The following DMD variants were observed in gnomAD, a reference collection of about 807,000 sequenced individuals.
DMD encodes mutant dystrophin.
A neutral mutation model predicts 330.1 loss-of-function variants in DMD; 63 were observed. That is an observed-to-expected ratio of 0.19 (90% CI 0.16 to 0.24). The LOEUF (loss-of-function observed/expected upper bound fraction) is 0.24, where lower values mean the gene tolerates loss of function less well. Among genes scored for constraint, DMD ranks in the 10% least tolerant of loss-of-function variants. The probability of loss-of-function intolerance (pLI) is 1.00; values close to 1 mark genes in which losing one functional copy is unlikely to be tolerated. For synonymous variants in DMD, 1,223 were observed against 959.8 expected (o/e 1.27, Z -5.07); for missense variants, 3,344 against 2,684.1 (o/e 1.25, Z -5.43).
intron 50 of DMD, among the ~76,000 whole-genome samples, chrX:31,813,675 C>G (rs756635421): frequency 4.5e-5 from 5 of 111,982 alleles, no homozygotes; most frequent in African/African-American, 1.6e-4. Context: ...ACACCTTTAT[C>G]CCCCAGCTTT....
chrX:33,286,741 C>T lies in DMD; in HGVS notation c.7+52518G>A, dbSNP rs1198222875. Among the ~76,000 whole-genome samples, 4 of 112,088 alleles carry T rather than the reference C, an allele frequency of 3.6e-5. No individual in the cohort carries two copies. The East Asian group carries it at 1.1e-3, about 32-fold the overall frequency. Reference sequence around the variant, plus strand: ...CATAAGAATCCATGTTGATCCACTCCATACCCAGGTAGTATCGCTGACAGG... The same window carrying T: ...CATAAGAATCCATGTTGATCCACTCTATACCCAGGTAGTATCGCTGACAGG... On this transcript the variant is annotated intron_variant, in intron 1 of 17. Transcript: ENST00000288447.
At chrX:32,994,057 G>T (rs577157627) in intron 2 of DMD, among the ~76,000 whole-genome samples, 3 of 109,507 alleles carry the variant, frequency 2.7e-5, no homozygotes, top group African/African-American at 1.0e-4. Context: ...AAGTTGGGGT[G>T]GGGGGGAATG....
intron 44 of DMD, among the ~76,000 whole-genome samples, chrX:32,024,385 T>G (rs1038351023): frequency 2.4e-4 from 25 of 105,828 alleles, no homozygotes; most frequent in Non-Finnish European, 9.6e-5. Context: ...CTTCGGAGGC[T>G]GAGGCAGGGG....
At chrX:32,742,164 T>A (rs764897984) in intron 7 of DMD, among the ~76,000 whole-genome samples, 3 of 111,858 alleles carry the variant, frequency 2.7e-5, no homozygotes, top group Non-Finnish European at 5.6e-5. Context: ...TGGTAACAGA[T>A]AACACACCAT....
chrX:33,068,392 T>C (rs1002359188), intron 1 of DMD, among the ~76,000 whole-genome samples: 3 of 112,214 alleles, frequency 2.7e-5, no homozygotes, highest in Non-Finnish European at 5.6e-5. Context: ...CACCTGTGCA[T>C]TGGCAGTGAC....
At chrX:31,161,994 C>A (rs1306954532) in intron 74 of DMD, among the ~76,000 whole-genome samples, 1 of 107,717 alleles carries the variant, frequency 9.3e-6, no homozygotes, top group Non-Finnish European at 1.9e-5. Context: ...AACTCCCATT[C>A]AGTCTTCAAC....
At chrX:31,676,050 T>A (rs781414950) in intron 53 of DMD, among the ~76,000 whole-genome samples, 1 of 111,997 alleles carries the variant, frequency 8.9e-6, no homozygotes, top group Admixed American at 9.5e-5. Flanking sequence ...TGTTGCTCAG[T>A]AGTGAGAGTT....
At chrX:32,988,096 G>C (rs1263303348) in intron 2 of DMD, among the ~76,000 whole-genome samples, 1 of 110,669 alleles carries the variant, frequency 9.0e-6, no homozygotes, top group East Asian at 2.8e-4. Flanking sequence ...GGGTGTACTT[G>C]TGTGTGTGCA....
chrX:32,362,881 G>A lies in DMD; in HGVS notation c.5232C>T (p.Asn1744=), dbSNP rs2147233789. 2 of 1,211,095 alleles carry A rather than the reference G, an allele frequency of 1.7e-6. No individual in the cohort carries two copies. The highest frequency in any genetic ancestry group is 2.2e-6 in the Non-Finnish European group (2 of 895,185). Residue 1744 remains asparagine (N), a synonymous_variant, in exon 37 of 79, where the codon AAC becomes AAT. Transcript: ENST00000357033. The stretch of plus-strand genomic sequence containing the variant: ...CTAATTTCCTGCAGTGGTCACCGCG[G>A]TTTGCCATCAAGTTTGCTGCTTGGT... ...TRDQAANLMA[N]RGDHCRKLVE...
intron 1 of DMD, among the ~76,000 whole-genome samples, chrX:33,114,110 TTA>T (rs1403345268): frequency 9.5e-6 from 1 of 105,356 alleles, no homozygotes; most frequent in African/African-American, 3.6e-5. Flanking sequence ...AATATTATTA[TTA>T]TTTTTTTTTT....
chrX:31,268,909 T>C (rs2051400372), intron 62 of DMD, among the ~76,000 whole-genome samples: 1 of 112,218 alleles, frequency 8.9e-6, no homozygotes, highest in African/African-American at 3.2e-5. Flanking sequence ...TCTGACACGC[T>C]TCTCTATAAA....
In DMD at chrX:31,829,422, A is replaced by G. The variant is rs1456789107; in HGVS notation, c.7200+7296T>C. Among the ~76,000 whole-genome samples, 4 of 106,972 alleles carry G rather than the reference A, an allele frequency of 3.7e-5. No individual in the cohort carries two copies. In the Admixed American group the frequency reaches 4.2e-4, roughly 11 times the overall value. 92.9% of individuals were successfully genotyped at this position (106,972 alleles called of 115,157 possible). On this transcript the variant is annotated intron_variant, in intron 49 of 78. Coordinates refer to ENST00000357033, the MANE Select transcript of DMD (RefSeq NM_004006.3). ...TATAACTTGTACCGCACAAATAAATATGTACAATTATACACATATAAAATT... is the reference window on the plus strand; with the variant it reads ...TATAACTTGTACCGCACAAATAAATGTGTACAATTATACACATATAAAATT...
rs548846514 is a variant in DMD, at chrX:31,648,617, C to CAAAAAAAAAA, written c.8027+9363_8027+9372dup. Among the ~76,000 whole-genome samples the CAAAAAAAAAA allele has an allele frequency of 3.2e-4, 6 of 18,993 alleles. 1 individual carries two copies. The highest frequency in any genetic ancestry group is 4.7e-4 in the African/African-American group (2 of 4,248). 16.5% of individuals were successfully genotyped at this position (18,993 alleles called of 115,157 possible). ...TTCCCTACGGGGTGAAAGGGAGCTG[C>CAAAAAAAAAA]AAAAAAAAAAAAAAAAAAAAAAAAA... On this transcript the variant is annotated intron_variant, in intron 54 of 78. Coordinates refer to ENST00000357033, the MANE Select transcript of DMD (RefSeq NM_004006.3).
rs749797416 is a variant in DMD at position 32,606,715 on chromosome X, A to T, written c.1482+7588T>A. 2.8e-4 allele frequency among the ~76,000 whole-genome samples: 18 copies of T among 63,595 alleles called. No homozygotes were observed. In the South Asian group the frequency reaches 0.015, roughly 53 times the overall value. 55.2% of individuals were successfully genotyped at this position (63,595 alleles called of 115,157 possible). On this transcript the variant is annotated intron_variant, in intron 12 of 78. Transcript: ENST00000357033. ...GATATGCACATGTATATATGTGTGT[A>T]TATACGCATATATATATATATATAT...
intron 9 of DMD, among the ~76,000 whole-genome samples, chrX:32,676,702 T>A (rs2061994739): frequency 9.0e-6 from 1 of 111,462 alleles, no homozygotes; most frequent in South Asian, 3.7e-4. Flanking sequence ...CAGTTAACAT[T>A]CTCCATCCTT....
intron 62 of DMD, among the ~76,000 whole-genome samples, chrX:31,267,117 A>AAGAG (rs1256017936): frequency 9.1e-6 from 1 of 110,043 alleles, no homozygotes; most frequent in Non-Finnish European, 1.9e-5. Flanking sequence ...GAAAGAAAGA[A>AAGAG]AGAAAGAAAG....
intron 74 of DMD, among the ~76,000 whole-genome samples, chrX:31,166,713 C>G (rs2039452840): frequency 9.0e-6 from 1 of 111,302 alleles, no homozygotes; most frequent in African/African-American, 3.3e-5. Flanking sequence ...TGCAAGAAGA[C>G]AGGACAGGGC....
Position 32,375,044 on chromosome X carries a change from A to G in DMD, c.4845+5466T>C, listed in dbSNP as rs1041722406. Among the ~76,000 whole-genome samples, 17 of 111,298 alleles carry G rather than the reference A, an allele frequency of 1.5e-4. No individual in the cohort carries two copies. In the Admixed American group the frequency reaches 1.6e-3, roughly 11 times the overall value. On this transcript the variant is annotated intron_variant, in intron 34 of 78. Coordinates refer to ENST00000357033, the MANE Select transcript of DMD (RefSeq NM_004006.3). Reference sequence around the variant, plus strand: ...CCTCTCTAATAACGATTCTCTCTGAATAGAAGTGTTCTTAAGGATAGAACA... The same window carrying G: ...CCTCTCTAATAACGATTCTCTCTGAGTAGAAGTGTTCTTAAGGATAGAACA...
intron 29 of DMD, among the ~76,000 whole-genome samples, chrX:32,417,737 G>A (rs1232218139): frequency 9.1e-6 from 1 of 110,125 alleles, no homozygotes; most frequent in East Asian, 2.9e-4. Context: ...CCTTCTTAAA[G>A]ATGGGGAAAA....
Sources: gnomAD v4.1 joint callset for allele counts (sites outside exome capture counted in the v4.1 genomes callset) on GRCh38, gnomAD v4.1.1 for gene constraint, MANE v1.5 for transcripts, NCBI Gene and HGNC (gene_info 2026-07-23, HGNC 2026-07-21) for gene names.